Variants in ATP13A5 observed in about 807,000 individuals in gnomAD.
ATP13A5 encodes probable cation-transporting ATPase 13A5.
ATP13A5 carries 149 observed loss-of-function variants against 150.2 expected under a neutral mutation model. That is an observed-to-expected ratio of 0.99 (90% CI 0.87 to 1.14). The LOEUF is 1.14. Among genes scored for constraint, ATP13A5 ranks in the 50% most tolerant of loss-of-function variants. The probability of loss-of-function intolerance (pLI) is 0.00; values close to 1 mark genes in which losing one functional copy is unlikely to be tolerated. For synonymous variants in ATP13A5, 497 were observed against 522.2 expected (o/e 0.95, Z 0.66); for missense variants, 1,383 against 1,449.3 (o/e 0.95, Z 0.74).
At chr3:193,296,638 T>A (rs1297565910) in intron 25 of ATP13A5, among the ~76,000 whole-genome samples, 1 of 152,168 alleles carries the variant, frequency 6.6e-6, no homozygotes, top group East Asian at 1.9e-4. Flanking sequence ...AGCTTTGTTC[T>A]TTTTGCTTAT....
At chr3:193,334,390 T>C (rs1215850074) in intron 10 of ATP13A5, among the ~76,000 whole-genome samples, 2 of 152,018 alleles carry the variant, frequency 1.3e-5, no homozygotes, top group African/African-American at 4.8e-5. Flanking sequence ...CCACATTTGG[T>C]ATGGGAAACA....
At chr3:193,287,364 G>A (rs190579494) in intron 26 of ATP13A5, among the ~76,000 whole-genome samples, 3 of 152,116 alleles carry the variant, frequency 2.0e-5, no homozygotes, top group Non-Finnish European at 2.9e-5. Context: ...TGGATTCAAG[G>A]CTCCAAAGGA....
intron 26 of ATP13A5, among the ~76,000 whole-genome samples, chr3:193,289,270 G>A (rs571425608): frequency 6.6e-4 from 100 of 152,200 alleles, no homozygotes; most frequent in Non-Finnish European, 1.2e-3. Flanking sequence ...GCCCAGGGAG[G>A]TAAAGAGACT....
chr3:193,366,111 G>A (rs375723828), intron 1 of ATP13A5, among the ~76,000 whole-genome samples: 3 of 151,996 alleles, frequency 2.0e-5, no homozygotes, highest in South Asian at 2.1e-4. Context: ...ATAGCTAATG[G>A]TTCAGTAAGT....
chr3:193,313,288 C>T (rs532657829), intron 19 of ATP13A5: 1 of 152,298 alleles, frequency 6.6e-6, no homozygotes, highest in African/African-American at 2.4e-5. Context: ...CAGAAAGACT[C>T]CTGACTGCAC....
chr3:193,322,238 C>T (rs1230077666), intron 15 of ATP13A5, among the ~76,000 whole-genome samples: 1 of 152,170 alleles, frequency 6.6e-6, no homozygotes, highest in Non-Finnish European at 1.5e-5. Flanking sequence ...CCTGTTCCTC[C>T]AACCCAGAGC....
At chr3:193,353,394 A>G (rs1318784452) in intron 6 of ATP13A5, among the ~76,000 whole-genome samples, 1 of 152,218 alleles carries the variant, frequency 6.6e-6, no homozygotes, top group Admixed American at 6.5e-5. Flanking sequence ...CAAAGGGAGA[A>G]GTTACTCTCA....
At chr3:193,306,990 A>C in intron 22 of ATP13A5, 1 of 567,952 alleles carries the variant, frequency 1.8e-6, no homozygotes, top group East Asian at 1.4e-4. Flanking sequence ...GGGGGGAAGA[A>C]ATCACCTCCT....
intron 7 of ATP13A5, among the ~76,000 whole-genome samples, chr3:193,345,584 A>T (rs3732523): frequency 0.5 from 75,326 of 151,858 alleles, 18,961 homozygotes; most frequent in East Asian, 0.75. Context: ...TTATAGTAAC[A>T]GTTTGAGCAC....
At chr3:193,351,298 C>A in intron 6 of ATP13A5, 97 bp from the exon 7 acceptor site, 2 of 1,372,160 alleles carry the variant, frequency 1.5e-6, no homozygotes, top group Non-Finnish European at 2.0e-6. Context: ...CATTTTTTTA[C>A]AACATACACA....
intron 3 of ATP13A5, among the ~76,000 whole-genome samples, 186 bp from the exon 4 acceptor site, chr3:193,362,823 C>CTTTCTCTCTTTCTTTCTCTCTTTCTT (rs1713085655): frequency 1.3e-5 from 1 of 75,566 alleles, no homozygotes; most frequent in African/African-American, 4.4e-5. Flanking sequence ...CAGACAGGGT[C>CTTTCTCTCTTTCTTTCTCTCTTTCTT]TCACTCTGTC....
At chr3:193,300,640 T>C (rs1718362731) in intron 24 of ATP13A5, among the ~76,000 whole-genome samples, 1 of 152,186 alleles carries the variant, frequency 6.6e-6, no homozygotes, top group Non-Finnish European at 1.5e-5. Context: ...TATACATAGT[T>C]CTTCTGTACA....
intron 9 of ATP13A5, among the ~76,000 whole-genome samples, chr3:193,337,224 A>G (rs2108878776): frequency 6.6e-6 from 1 of 152,328 alleles, no homozygotes; most frequent in Non-Finnish European, 1.5e-5. Context: ...TTTGCTGTGC[A>G]GAAGCTCTTT....
At chr3:193,326,893 A>G in intron 13 of ATP13A5, 103 bp downstream of exon 13, 1 of 961,614 alleles carries the variant, frequency 1.0e-6, no homozygotes, top group South Asian at 1.4e-5. Flanking sequence ...ACTATTGTAT[A>G]TATTTTATGT....
chr3:193,319,624 G>A (rs536740459), intron 16 of ATP13A5, among the ~76,000 whole-genome samples: 3 of 152,290 alleles, frequency 2.0e-5, no homozygotes, highest in East Asian at 1.9e-4. Context: ...GTTCAAGCAC[G>A]CAGTCTATGG....
At position 193,321,813 on chromosome 3, in the gene ATP13A5, A is replaced by G. The variant is rs1208638172; in HGVS notation, c.1783T>C (p.Leu595=). The change falls in exon 16 of 30, where the codon TTG becomes CTG. Residue 595 remains leucine, a synonymous_variant. Coordinates refer to ENST00000342358, the MANE Select transcript of ATP13A5 (RefSeq NM_198505.4). ...SKSPVEAIIT[L]CQFPFSSSLQ... ...CTCGAGGAAAATGGAAACTGGCACA[A>G]GGTGATGATGGCTTCCACTGGACTC... The G allele has an allele frequency of 1.9e-6, 3 of 1,614,124 alleles. No individual in the cohort carries two copies. In the South Asian group the frequency reaches 3.3e-5, roughly 18 times the overall value.
At chr3:193,313,933 A>G (rs1461400211) in intron 19 of ATP13A5, 100 bp downstream of exon 19, 8 of 1,325,816 alleles carry the variant, frequency 6.0e-6, no homozygotes, top group South Asian at 1.4e-5. Context: ...GTGAGGGATT[A>G]TTACTGAGAT....
intron 10 of ATP13A5, 32 bp from the exon 11 acceptor site, chr3:193,333,939 C>T (rs779985472): frequency 4.0e-5 from 64 of 1,590,310 alleles, no homozygotes; most frequent in Non-Finnish European, 5.4e-5. Context: ...TCAAGTAAGG[C>T]TGCTTGATGG....
chr3:193,275,599 C>T lies in ATP13A5; in HGVS notation c.3397-297G>A, dbSNP rs574333082. Among the ~76,000 whole-genome samples the T allele has an allele frequency of 2.6e-5, 4 of 152,296 alleles. No individual in the cohort carries two copies. In the South Asian group the frequency reaches 8.3e-4, roughly 32 times the overall value. On this transcript the variant is annotated intron_variant, in intron 29 of 29. Transcript: ENST00000342358. The stretch of plus-strand genomic sequence containing the variant: ...TCCCCTCAGACTGAAATGGTAACAG[C>T]AATAACGTGCTCAAAATGAAGAAAA...
Sources: gnomAD v4.1 joint callset for allele counts (sites outside exome capture counted in the v4.1 genomes callset) on GRCh38, gnomAD v4.1.1 for gene constraint, MANE v1.5 for transcripts, NCBI Gene and HGNC (gene_info 2026-07-23, HGNC 2026-07-21) for gene names.